Variants in PCCA observed in about 807,000 individuals in gnomAD.
PCCA encodes the protein propionyl-CoA carboxylase alpha chain, mitochondrial.
A neutral mutation model predicts 101.3 loss-of-function variants in PCCA; 74 were observed. The ratio of observed to expected loss-of-function variants is 0.73; its 90% CI spans 0.61 to 0.89. PCCA has a LOEUF of 0.89. PCCA is among the 40% of genes least tolerant of loss of function. The pLI is 0.00. For synonymous variants in PCCA, 294 were observed against 313.6 expected (o/e 0.94, Z 0.66); for missense variants, 891 against 907.0 (o/e 0.98, Z 0.23).
chr13:100,151,569 G>A (rs927626483), intron 4 of PCCA, among the ~76,000 whole-genome samples: 2 of 151,366 alleles, frequency 1.3e-5, no homozygotes, highest in South Asian at 2.1e-4. Context: ...TCCAGCCTGG[G>A]CAAGAGCAAA....
chr13:100,259,145 A>T (rs1381152330), intron 9 of PCCA, among the ~76,000 whole-genome samples: 2 of 152,004 alleles, frequency 1.3e-5, no homozygotes, highest in Admixed American at 6.6e-5. Context: ...TTTTTACATA[A>T]TCCACAAAGA....
chr13:100,389,053 A>C (rs899875430), intron 19 of PCCA, among the ~76,000 whole-genome samples: 2 of 152,236 alleles, frequency 1.3e-5, no homozygotes, highest in Non-Finnish European at 2.9e-5. Context: ...GAGATGATAC[A>C]TCTGACTTCT....
chr13:100,362,350 C>G (rs150873727), intron 18 of PCCA, among the ~76,000 whole-genome samples: 143 of 152,220 alleles, frequency 9.4e-4, no homozygotes, highest in Middle Eastern at 6.8e-3. Context: ...ATTTCTGCAC[C>G]CAATTATGGT....
At chr13:100,183,846 T>G (rs963091741) in intron 6 of PCCA, among the ~76,000 whole-genome samples, 1 of 152,162 alleles carries the variant, frequency 6.6e-6, no homozygotes, top group Non-Finnish European at 1.5e-5. Context: ...CTGTGAGCTT[T>G]GAAATGCTTC....
intron 5 of PCCA, among the ~76,000 whole-genome samples, chr13:100,156,231 G>A: frequency 6.6e-6 from 1 of 152,124 alleles, no homozygotes; most frequent in Admixed American, 6.6e-5. Flanking sequence ...ACCATGCCCA[G>A]CTAATTTTGT....
intron 16 of PCCA, among the ~76,000 whole-genome samples, chr13:100,329,472 C>T (rs958470184): frequency 8.5e-5 from 13 of 152,058 alleles, no homozygotes; most frequent in African/African-American, 2.4e-4. Flanking sequence ...GAGCAGTCAT[C>T]GAAGCTGATC....
At chr13:100,283,943 C>T (rs2064352634) in intron 12 of PCCA, among the ~76,000 whole-genome samples, 1 of 152,224 alleles carries the variant, frequency 6.6e-6, no homozygotes, top group Non-Finnish European at 1.5e-5. Context: ...TTCCCTGGGT[C>T]AGAAGCCCCC....
chr13:100,515,705 G>C, intron 22 of PCCA, 138 bp downstream of exon 22: 1 of 988,908 alleles, frequency 1.0e-6, no homozygotes. Context: ...AAAATCGATT[G>C]CGTGTGTTGT....
intron 19 of PCCA, among the ~76,000 whole-genome samples, chr13:100,414,712 TG>T (rs1202864562): frequency 6.6e-6 from 1 of 152,244 alleles, no homozygotes; most frequent in Admixed American, 6.5e-5. Context: ...ATGGTGGTAA[TG>T]TCACAGTGTA....
chr13:100,091,294 A>T (rs2046258597), intron 1 of PCCA, among the ~76,000 whole-genome samples: 1 of 152,226 alleles, frequency 6.6e-6, no homozygotes, highest in African/African-American at 2.4e-5. Flanking sequence ...CTTGTTATAC[A>T]CTTACTGTGT....
At chr13:100,213,909 A>G (rs1400004762) in intron 7 of PCCA, among the ~76,000 whole-genome samples, 3 of 152,190 alleles carry the variant, frequency 2.0e-5, no homozygotes, top group Admixed American at 2.0e-4. Flanking sequence ...ATTTTTGTAT[A>G]TGGCAAGAGA....
At chr13:100,396,446 G>A (rs1222870847) in intron 19 of PCCA, among the ~76,000 whole-genome samples, 2 of 152,112 alleles carry the variant, frequency 1.3e-5, no homozygotes, top group African/African-American at 4.8e-5. Context: ...TCTAAAACAC[G>A]GATATTTTGC....
intron 21 of PCCA, among the ~76,000 whole-genome samples, chr13:100,457,067 C>T (rs1426617160): frequency 6.6e-6 from 1 of 152,164 alleles, no homozygotes; most frequent in Non-Finnish European, 1.5e-5. Context: ...GGTCACTTCT[C>T]ACAATGTCCC....
chr13:100,290,069 C>T (rs572464044), intron 12 of PCCA, among the ~76,000 whole-genome samples: 15 of 152,246 alleles, frequency 9.9e-5, no homozygotes, highest in East Asian at 9.6e-4. Flanking sequence ...GATTGGGTTT[C>T]GGTTCTTGTC....
intron 7 of PCCA, among the ~76,000 whole-genome samples, chr13:100,211,592 C>T (rs189161877): frequency 3.9e-5 from 6 of 152,228 alleles, no homozygotes; most frequent in Non-Finnish European, 5.9e-5. Flanking sequence ...TAGATTCCTT[C>T]CCGATTGTTC....
intron 12 of PCCA, among the ~76,000 whole-genome samples, chr13:100,277,514 C>T (rs1266192114): frequency 6.6e-6 from 1 of 152,068 alleles, no homozygotes; most frequent in African/African-American, 2.4e-5. Context: ...CCAATAAGCC[C>T]AAGTTCCAAG....
chr13:100,125,558 C>T (rs971124317), intron 4 of PCCA, among the ~76,000 whole-genome samples: 4 of 152,254 alleles, frequency 2.6e-5, no homozygotes, highest in African/African-American at 9.6e-5. Context: ...CTATTGCTCA[C>T]TTTTCTTATA....
At chr13:100,494,387 T>C (rs2085121769) in intron 21 of PCCA, among the ~76,000 whole-genome samples, 2 of 151,106 alleles carry the variant, frequency 1.3e-5, no homozygotes, top group African/African-American at 2.4e-5. Flanking sequence ...GTCTTGACTT[T>C]AGATTTGAAA....
chr13:100,141,924 A>T (rs2051918539), intron 4 of PCCA, among the ~76,000 whole-genome samples: 1 of 152,234 alleles, frequency 6.6e-6, no homozygotes, highest in Admixed American at 6.5e-5. Context: ...CAAATAGTTG[A>T]ATTACATAAG....
Sources: gnomAD v4.1 joint callset for allele counts (sites outside exome capture counted in the v4.1 genomes callset) on GRCh38, gnomAD v4.1.1 for gene constraint, MANE v1.5 for transcripts, NCBI Gene and HGNC (gene_info 2026-07-23, HGNC 2026-07-21) for gene names.